The following CSGALNACT1 variants were observed in gnomAD, a reference collection of about 807,000 sequenced individuals.
CSGALNACT1 encodes the protein beta4GalNAcT-1.
A neutral mutation model predicts 51.0 loss-of-function variants in CSGALNACT1; 52 were observed. The ratio of observed to expected loss-of-function variants is 1.02; its 90% CI spans 0.82 to 1.29. The LOEUF (loss-of-function observed/expected upper bound fraction) is 1.29. Ranked by LOEUF, CSGALNACT1 falls within the 50% of genes most tolerant of loss-of-function variation. The pLI, the probability that CSGALNACT1 is intolerant of heterozygous loss-of-function variation, is 0.00. For missense variants in CSGALNACT1, 935 were observed against 679.2 expected (o/e 1.38, Z -4.19); for synonymous variants, 341 against 254.4 (o/e 1.34, Z -3.24).
chr8:19,736,397 G>T (rs369792687), intron 1 of CSGALNACT1, among the ~76,000 whole-genome samples: 2 of 151,872 alleles, frequency 1.3e-5, no homozygotes, highest in South Asian at 4.1e-4. Flanking sequence ...GTTTCTATAG[G>T]ATAGTCTCTC....
intron 3 of CSGALNACT1, among the ~76,000 whole-genome samples, chr8:19,509,553 C>T (rs1395263266): frequency 7.2e-6 from 1 of 138,236 alleles, no homozygotes; most frequent in Non-Finnish European, 1.5e-5. Flanking sequence ...ACCCGGGAGG[C>T]AGAGGTTGCA....
intron 1 of CSGALNACT1, among the ~76,000 whole-genome samples, chr8:19,619,249 G>C (rs908428006): frequency 9.0e-6 from 1 of 111,310 alleles, no homozygotes; most frequent in African/African-American, 3.6e-5. Flanking sequence ...AGACAGGGTC[G>C]GGGGGGGGTG....
rs116024341 is a variant in CSGALNACT1, at chr8:19,545,282, G to A, written c.-296-39152C>T. Among the ~76,000 whole-genome samples, 902 of 152,238 alleles carry A rather than the reference G, an allele frequency of 5.9e-3. 9 individuals are homozygous for A. Among genetic ancestry groups the A allele is most frequent in the African/African-American group, 0.021 (853 of 41,542 alleles). ...GATGTCCTTGTGGTTGAGCAGAAAT[G>A]AGATGAATGAAATCCCAGAAAAATC... is the stretch of plus-strand genomic sequence containing the variant. On this transcript the variant is annotated intron_variant, in intron 3 of 9. Transcript: ENST00000454498.
At chr8:19,498,392 C>T (rs1337903328) in intron 4 of CSGALNACT1, among the ~76,000 whole-genome samples, 1 of 152,214 alleles carries the variant, frequency 6.6e-6, no homozygotes, top group Non-Finnish European at 1.5e-5. Flanking sequence ...CCCAACAATG[C>T]CTCCTACCCA....
intron 5 of CSGALNACT1, among the ~76,000 whole-genome samples, chr8:19,449,993 G>T (rs2062809337): frequency 7.1e-6 from 1 of 141,266 alleles, no homozygotes; most frequent in South Asian, 2.3e-4. Flanking sequence ...AATATGGAAG[G>T]TAAGAAACAA....
At chr8:19,599,138 G>T (rs202186551) in intron 2 of CSGALNACT1, among the ~76,000 whole-genome samples, 14 of 151,750 alleles carry the variant, frequency 9.2e-5, no homozygotes, top group Admixed American at 5.9e-4. Context: ...TCGGGGAGGG[G>T]GAGCACAGAG....
intron 3 of CSGALNACT1, among the ~76,000 whole-genome samples, chr8:19,560,944 CTA>C (rs2040565827): frequency 6.6e-6 from 1 of 152,198 alleles, no homozygotes; most frequent in Non-Finnish European, 1.5e-5. Context: ...AAATACTTCA[CTA>C]TACAGCAGCA....
chr8:19,622,575 CATATAAATTTGAAAGGG>C (rs2053953720), intron 1 of CSGALNACT1, among the ~76,000 whole-genome samples: 2 of 152,232 alleles, frequency 1.3e-5, no homozygotes, highest in South Asian at 4.1e-4. Flanking sequence ...AGGATAGTAG[CATATAAATTTGAAAGGG>C]GTATAAATGG....
chr8:19,508,362 C>T (rs112425499), intron 3 of CSGALNACT1, among the ~76,000 whole-genome samples: 1,673 of 152,328 alleles, frequency 0.011, 30 homozygotes, highest in African/African-American at 0.038. Context: ...AGAAATTCAA[C>T]ACTTAACATT....
At chr8:19,483,821 A>G (rs1156458251) in intron 4 of CSGALNACT1, among the ~76,000 whole-genome samples, 1 of 152,210 alleles carries the variant, frequency 6.6e-6, no homozygotes, top group Non-Finnish European at 1.5e-5. Context: ...AATTAAGTGA[A>G]TATGTAGCAA....
chr8:19,624,171 T>C (rs2054168392), intron 1 of CSGALNACT1, among the ~76,000 whole-genome samples: 1 of 152,180 alleles, frequency 6.6e-6, no homozygotes, highest in Non-Finnish European at 1.5e-5. Flanking sequence ...GTAGCCCCTC[T>C]GAGATTATCT....
chr8:19,437,751 A>G (rs7820698), intron 6 of CSGALNACT1, among the ~76,000 whole-genome samples: 94,341 of 152,128 alleles, frequency 0.62, 30,454 homozygotes, highest in East Asian at 0.84. Flanking sequence ...CAAAGTTTAC[A>G]TAGCGTTACT....
In CSGALNACT1 at chr8:19,690,693, G is replaced by A. The variant is rs993628354; in HGVS notation, c.-297+67157C>T. ...TGCAGTTTGCAGATGGAGCAATAAC[G>A]ATACTCTGAATTAATAATATGTGAT... On this transcript the variant is annotated intron_variant, in intron 1 of 1. Transcript: ENST00000517494. Among the ~76,000 whole-genome samples the A allele has an allele frequency of 2.6e-5, 4 of 152,188 alleles. No individual in the cohort carries two copies. The South Asian group carries it at 6.2e-4, about 24-fold the overall frequency.
chr8:19,551,036 G>A (rs926803565), intron 3 of CSGALNACT1, among the ~76,000 whole-genome samples: 1 of 152,162 alleles, frequency 6.6e-6, no homozygotes. Context: ...CTTCACATCT[G>A]TCTTCTGGCA....
chr8:19,530,265 A>G (rs2082494702), intron 3 of CSGALNACT1, among the ~76,000 whole-genome samples: 1 of 151,452 alleles, frequency 6.6e-6, no homozygotes, highest in South Asian at 2.1e-4. Context: ...AAAAAATTCA[A>G]TCCATGGTTG....
At chr8:19,625,450 A>G (rs888703079) in intron 1 of CSGALNACT1, among the ~76,000 whole-genome samples, 2 of 152,238 alleles carry the variant, frequency 1.3e-5, no homozygotes, top group Non-Finnish European at 2.9e-5. Context: ...AGTTGACTCC[A>G]GGTCTATCTG....
chr8:19,730,678 A>T (rs1336293152), intron 1 of CSGALNACT1, among the ~76,000 whole-genome samples: 1 of 152,230 alleles, frequency 6.6e-6, no homozygotes, highest in Non-Finnish European at 1.5e-5. Context: ...TCCCAGGTCC[A>T]TCCAGTGACG....
intron 1 of CSGALNACT1, among the ~76,000 whole-genome samples, chr8:19,730,388 T>C (rs558041983): frequency 2.0e-5 from 3 of 152,298 alleles, no homozygotes; most frequent in South Asian, 2.1e-4. Context: ...CTAGTCAAGC[T>C]GCTAATAAAG....
At chr8:19,444,629 T>C (rs767285242) in intron 5 of CSGALNACT1, among the ~76,000 whole-genome samples, 3 of 152,256 alleles carry the variant, frequency 2.0e-5, no homozygotes, top group Non-Finnish European at 4.4e-5. Flanking sequence ...CCTTGAGCTC[T>C]AAATGCAGAG....
Sources: gnomAD v4.1 joint callset for allele counts (sites outside exome capture counted in the v4.1 genomes callset) on GRCh38, gnomAD v4.1.1 for gene constraint, MANE v1.5 for transcripts, NCBI Gene and HGNC (gene_info 2026-07-23, HGNC 2026-07-21) for gene names.